The following SYNJ1 variants were observed in gnomAD, a reference collection of about 807,000 sequenced individuals.
SYNJ1 encodes synaptojanin 1.
Under a neutral mutation model 168.2 loss-of-function variants are expected in SYNJ1, and 78 were observed. The observed-to-expected ratio is 0.46, with a 90% CI of 0.39 to 0.56. The LOEUF is 0.56. Ranked by LOEUF, SYNJ1 falls within the 20% of genes least tolerant of loss-of-function variation. The pLI, the probability that SYNJ1 is intolerant of heterozygous loss-of-function variation, is 0.00. For synonymous variants in SYNJ1, 539 were observed against 548.6 expected, an observed-to-expected ratio of 0.98 and a Z score of 0.24; for missense variants, 1,303 against 1,597.6, an observed-to-expected ratio of 0.82 and a Z score of 3.14.
At chr21:32,645,614 A>C (rs764302162) in intron 25 of SYNJ1, 32 bp downstream of exon 25, 1 of 1,505,090 alleles carries the variant, frequency 6.6e-7, no homozygotes, top group Non-Finnish European at 8.8e-7. Flanking sequence ...AGAATTTTAC[A>C]TCTAGCAGAA....
Position 32,656,850 on chromosome 21 carries a change from T to C in SYNJ1, c.2632A>G (p.Arg878Gly), listed in dbSNP as rs1310035614. Reference protein sequence around the residue: ...IDIFEVEAEERQNIYKEVIAV... With the variant: ...IDIFEVEAEEGQNIYKEVIAV... Reference sequence around the variant, plus strand: ...ATTACTTCTTTATAAATGTTTTGCCTCTCTTCAGCTTCAACTTCAAATATA... The same window carrying C: ...ATTACTTCTTTATAAATGTTTTGCCCCTCTTCAGCTTCAACTTCAAATATA... Residue 878 changes from arginine to glycine, a missense_variant, in exon 21 of 33, where the codon AGG becomes GGG. Coordinates refer to ENST00000674351, the MANE Select transcript of SYNJ1 (RefSeq NM_203446.3). 6.2e-7 allele frequency: 1 copy of C among 1,614,190 alleles called. No homozygotes were observed. The highest frequency in any genetic ancestry group is 1.1e-5 in the South Asian group (1 of 91,086).
In SYNJ1 at chr21:32,666,417, T is replaced by C; in HGVS notation, c.1952+16A>G. On this transcript the variant is annotated intron_variant, in intron 16 of 32. Coordinates refer to ENST00000674351, the MANE Select transcript of SYNJ1 (RefSeq NM_203446.3). ...ATGGTAGGAAGTAGCCTTAGAGGAG[T>C]GTTCTGTTTACTGACCTGATAAAAG... 1 of 1,607,736 alleles carries C rather than the reference T, an allele frequency of 6.2e-7. No individual in the cohort carries two copies. Among genetic ancestry groups the C allele is most frequent in the Non-Finnish European group, 8.5e-7 (1 of 1,178,094 alleles).
In SYNJ1 at chr21:32,630,520, T is replaced by C. The variant is rs1317414414; in HGVS notation, c.*1285A>G. The C allele has an allele frequency of 1.9e-5, 3 of 159,422 alleles. No homozygotes were observed. Among genetic ancestry groups the C allele is most frequent in the East Asian group, 1.8e-4 (1 of 5,530 alleles). The allele number at this position is 159,422 out of a possible 1,614,324, so 9.9% of individuals were successfully genotyped here. ...GAAGTACATGTGTTTGTATGTATTATATATGTACACATACCTATACTTTTT... is the reference window on the plus strand; with the variant it reads ...GAAGTACATGTGTTTGTATGTATTACATATGTACACATACCTATACTTTTT... On this transcript the variant is annotated 3_prime_UTR_variant, in exon 33 of 33. Transcript: ENST00000674351.
intron 18 of SYNJ1, among the ~76,000 whole-genome samples, chr21:32,658,093 G>A (rs746010799): frequency 1.6e-4 from 25 of 152,262 alleles, no homozygotes; most frequent in Non-Finnish European, 2.4e-4. Flanking sequence ...GGAAATTCTG[G>A]GCAGAAGTGG....
intron 26 of SYNJ1, among the ~76,000 whole-genome samples, chr21:32,643,944 T>G (rs565232680): frequency 4.6e-5 from 7 of 152,224 alleles, no homozygotes; most frequent in Non-Finnish European, 1.0e-4. Flanking sequence ...TGAAAAAACA[T>G]GTTGCAAACA....
chr21:32,720,103 G>GT, intron 2 of SYNJ1, among the ~76,000 whole-genome samples: 1 of 152,208 alleles, frequency 6.6e-6, no homozygotes, highest in East Asian at 1.9e-4. Context: ...GCTGGGCGTG[G>GT]TGCCACATGC....
upstream of SYNJ1, chr21:32,728,077 G>A (rs1481333258): frequency 3.9e-6 from 6 of 1,519,826 alleles, no homozygotes; most frequent in South Asian, 4.8e-5. Context: ...CGCCCCGCGC[G>A]AGGGAAGGGG....
At chr21:32,704,528 G>A (rs2042532658) in intron 2 of SYNJ1, among the ~76,000 whole-genome samples, 2 of 152,158 alleles carry the variant, frequency 1.3e-5, no homozygotes, top group African/African-American at 4.8e-5. Flanking sequence ...GAAGCTAGAG[G>A]CAGGGGAAAA....
In SYNJ1 at chr21:32,699,874, C is replaced by T. The variant is rs2042337641; in HGVS notation, c.443G>A (p.Ser148Asn). ...SLDLSLNAHR[S>N]MQEQTTDNRF... Reference sequence around the variant, plus strand: ...ATTATCAGTTGTCTGTTCTTGCATGCTACGATGCGCATTAAGACTCAAATC... The same window carrying T: ...ATTATCAGTTGTCTGTTCTTGCATGTTACGATGCGCATTAAGACTCAAATC... Residue 148 changes from serine (S) to asparagine (N), a missense_variant, in exon 4 of 33, where the codon AGC becomes AAC. By Grantham distance (46) the Ser-to-Asn change is conservative (BLOSUM62 1). This residue lies in a region of SYNJ1 where 920 missense variants were observed against 1,208.8 expected (regional missense o/e 0.76). Coordinates refer to ENST00000674351, the MANE Select transcript of SYNJ1 (RefSeq NM_203446.3). The T allele has an allele frequency of 1.2e-6, 2 of 1,614,004 alleles. No homozygotes were observed. The highest frequency in any genetic ancestry group is 1.3e-5 in the African/African-American group (1 of 75,008).
chr21:32,686,853 G>T, intron 8 of SYNJ1, 125 bp downstream of exon 8: 1 of 648,394 alleles, frequency 1.5e-6, no homozygotes, highest in Non-Finnish European at 2.5e-6. Context: ...TTTCCAACAA[G>T]TACCCAACCT....
intron 8 of SYNJ1, 28 bp from the exon 9 acceptor site, chr21:32,685,945 T>C: frequency 6.3e-7 from 1 of 1,589,074 alleles, no homozygotes; most frequent in Non-Finnish European, 8.5e-7. Context: ...AATATTCATC[T>C]AAATGAAAGT....
rs1391564082 is a variant in SYNJ1, at chr21:32,645,809, TAAG to T, written c.3248-23_3248-21del. On this transcript the variant is annotated intron_variant, in intron 24 of 32. Transcript: ENST00000674351. ...GAGAACCTAAAAAGCGCACAGGAGG[TAAG>T]AAGATCAGCTTCTAAGTAGCTGTTG... is the stretch of plus-strand genomic sequence containing the variant. The T allele has an allele frequency of 1.3e-5, 19 of 1,497,996 alleles. No homozygotes were observed. The highest frequency in any genetic ancestry group is 1.7e-5 in the Non-Finnish European group (19 of 1,120,198). The allele number at this position is 1,497,996 out of a possible 1,614,324, so 92.8% of individuals were successfully genotyped here. A position where few individuals can be genotyped will look rare whatever the true frequency, so the allele number is the denominator to read the frequency against.
intron 31 of SYNJ1, among the ~76,000 whole-genome samples, chr21:32,637,520 T>C (rs1481149430): frequency 2.0e-5 from 3 of 151,214 alleles, no homozygotes; most frequent in African/African-American, 7.3e-5. Flanking sequence ...CCAATTCTCC[T>C]GTCTCAGCCT....
intron 23 of SYNJ1, 28 bp from the exon 24 acceptor site, chr21:32,646,630 T>G: frequency 2.5e-6 from 4 of 1,568,932 alleles, no homozygotes; most frequent in Non-Finnish European, 3.5e-6. Context: ...TGATCAGAGA[T>G]AACTCCATTT....
chr21:32,645,714 G>A lies in SYNJ1; in HGVS notation c.3323C>T (p.Pro1108Leu), dbSNP rs765767792. The change falls in exon 25 of 33, where the codon CCG becomes CTG. Residue 1108 changes from proline to leucine, a missense_variant. By Grantham distance (98) the Pro-to-Leu change is moderately conservative (BLOSUM62 -3). This residue lies in a region of SYNJ1 where 383 missense variants were observed against 388.8 expected (regional missense o/e 0.99). Transcript: ENST00000674351. ...AGGGGCGACCGGGCGGGGCGGCGGC[G>A]GCCGCTTGGGCTCCAAGGGCTGGGC... ...DPAQPLEPKR[P>L]PPPRPVAPPT... is the part of the protein sequence containing the mutation. 47 of 1,471,922 alleles carry A rather than the reference G, an allele frequency of 3.2e-5. No individual in the cohort carries two copies. The highest frequency in any genetic ancestry group is 1.7e-5 in the Non-Finnish European group (19 of 1,113,586). The allele number at this position is 1,471,922 out of a possible 1,614,324, so 91.2% of individuals were successfully genotyped here.
chr21:32,662,581 C>T (rs2040757529), intron 18 of SYNJ1, among the ~76,000 whole-genome samples: 1 of 151,998 alleles, frequency 6.6e-6, no homozygotes, highest in South Asian at 2.1e-4. Flanking sequence ...TTAGCCAAAA[C>T]AGAAGAAAAA....
intron 24 of SYNJ1, 63 bp downstream of exon 24, chr21:32,646,330 C>A: frequency 6.6e-7 from 1 of 1,517,180 alleles, no homozygotes; most frequent in Non-Finnish European, 9.1e-7. Flanking sequence ...TAAACGATGA[C>A]TCTCCAACAT....
intron 22 of SYNJ1, 73 bp downstream of exon 22, chr21:32,653,210 TGCATG>T: frequency 8.8e-7 from 1 of 1,134,264 alleles, no homozygotes; most frequent in Admixed American, 1.9e-5. Flanking sequence ...ATAATCTTGC[TGCATG>T]TCTATAAAAA....
intron 17 of SYNJ1, 123 bp from the exon 18 acceptor site, chr21:32,665,194 A>G: frequency 9.9e-7 from 1 of 1,007,822 alleles, no homozygotes; most frequent in South Asian, 2.2e-5. Context: ...ACCCAACAGT[A>G]ATAACACATG....
Sources: gnomAD v4.1 joint callset for allele counts (sites outside exome capture counted in the v4.1 genomes callset) on GRCh38, gnomAD v4.1.1 for gene constraint, gnomAD v4.1.1 regional missense constraint, MANE v1.5 for transcripts, NCBI Gene and HGNC (gene_info 2026-07-23, HGNC 2026-07-21) for gene names.